The following SCAI variants were observed in gnomAD, a reference collection of about 807,000 sequenced individuals.
SCAI encodes the protein protein SCAI.
In SCAI, 24 loss-of-function variants were observed where a neutral mutation model predicts 92.2. That is an observed-to-expected ratio of 0.26 (90% CI 0.19 to 0.37). SCAI has a LOEUF of 0.37. Among genes scored for constraint, SCAI ranks in the 10% least tolerant of loss-of-function variants. The pLI is 1.00. For missense variants in SCAI, 450 were observed against 736.2 expected (o/e 0.61, Z 4.50); for synonymous variants, 261 against 258.6 (o/e 1.01, Z -0.09).
intron 2 of SCAI, among the ~76,000 whole-genome samples, chr9:125,094,011 C>T (rs1189949919): frequency 6.6e-6 from 1 of 152,022 alleles, no homozygotes; most frequent in Non-Finnish European, 1.5e-5. Context: ...ACTATTCACC[C>T]CAAAAACCTA....
At chr9:125,054,648 A>G (rs551655879) in intron 3 of SCAI, among the ~76,000 whole-genome samples, 1 of 152,324 alleles carries the variant, frequency 6.6e-6, no homozygotes, top group South Asian at 2.1e-4. Flanking sequence ...TTCTGAATTA[A>G]AATAGTGAAA....
chr9:125,104,481 C>T (rs1410779463), intron 2 of SCAI, among the ~76,000 whole-genome samples: 1 of 151,900 alleles, frequency 6.6e-6, no homozygotes, highest in Non-Finnish European at 1.5e-5. Flanking sequence ...TAAGAGATTT[C>T]AGTCTAATTC....
chr9:124,953,048 AC>A, intron 17 of SCAI, 95 bp from the exon 18 acceptor site: 1 of 952,632 alleles, frequency 1.0e-6, no homozygotes, highest in Non-Finnish European at 1.6e-6. Flanking sequence ...ATGTATTTTC[AC>A]TTTTATACTG....
chr9:125,141,018 AT>A (rs1465741597), intron 2 of SCAI, among the ~76,000 whole-genome samples: 1 of 152,160 alleles, frequency 6.6e-6, no homozygotes, highest in Admixed American at 6.6e-5. Context: ...CTAAATTCTC[AT>A]TGGAAATATT....
At chr9:125,119,453 T>C (rs959415251) in intron 2 of SCAI, among the ~76,000 whole-genome samples, 2 of 152,134 alleles carry the variant, frequency 1.3e-5, no homozygotes, top group African/African-American at 4.8e-5. Flanking sequence ...AAAATAATAA[T>C]TTAATAAATA....
intron 15 of SCAI, among the ~76,000 whole-genome samples, chr9:124,972,441 A>G (rs1255452440): frequency 2.0e-5 from 3 of 152,190 alleles, no homozygotes; most frequent in Non-Finnish European, 2.9e-5. Context: ...ACTGGACACT[A>G]AAAATGTGAC....
chr9:124,960,692 G>A (rs1831419456), intron 17 of SCAI, among the ~76,000 whole-genome samples: 1 of 152,242 alleles, frequency 6.6e-6, no homozygotes, highest in Admixed American at 6.5e-5. Context: ...AAGGAGGATA[G>A]AAGGAACAAT....
rs1831218723 is a variant in SCAI, at chr9:124,950,550, G to A, written c.*2257C>T. 6.6e-6 allele frequency: 1 copy of A among 151,918 alleles called. No individual in the cohort carries two copies. The highest frequency in any genetic ancestry group is 6.6e-5 in the Admixed American group (1 of 15,254). 9.4% of individuals were successfully genotyped at this position (151,918 alleles called of 1,614,324 possible). On this transcript the variant is annotated 3_prime_UTR_variant, in exon 18 of 18. Coordinates refer to ENST00000336505, the MANE Select transcript of SCAI (RefSeq NM_001144877.3). ...GGACTTAAGGGGAATTGAAACAAGA[G>A]GTCAGAAAACCGAAGATAGTCTATT... is the stretch of plus-strand genomic sequence containing the variant.
chr9:124,987,114 C>G (rs1167288415), intron 14 of SCAI, among the ~76,000 whole-genome samples: 2 of 152,144 alleles, frequency 1.3e-5, no homozygotes, highest in African/African-American at 4.8e-5. Context: ...CTCACTGCCT[C>G]CCAGGTTCAA....
At chr9:125,015,683 T>C (rs1418757325) in intron 9 of SCAI, among the ~76,000 whole-genome samples, 3 of 152,152 alleles carry the variant, frequency 2.0e-5, no homozygotes. Flanking sequence ...TTACTGGGTA[T>C]ATACCCAATG....
chr9:124,952,676 T>C lies in SCAI; in HGVS notation c.*131A>G. ...AAAGTGTGAACATTTTTTTGTTTGT[T>C]TTTAAAATGGTGGCCCTAAATTAAA... On this transcript the variant is annotated 3_prime_UTR_variant, in exon 18 of 18. Transcript: ENST00000336505. The C allele has an allele frequency of 1.5e-6, 1 of 654,552 alleles. No individual in the cohort carries two copies. The highest frequency in any genetic ancestry group is 2.4e-6 in the Non-Finnish European group (1 of 412,868). 40.5% of individuals were successfully genotyped at this position (654,552 alleles called of 1,614,324 possible).
intron 3 of SCAI, among the ~76,000 whole-genome samples, chr9:125,035,270 G>A (rs1175782922): frequency 2.0e-5 from 3 of 152,066 alleles, no homozygotes; most frequent in Admixed American, 6.5e-5. Flanking sequence ...AAGGAGAATC[G>A]TTAGAGTCCA....
chr9:125,138,966 T>TATGTACAGGC (rs1835605313), intron 2 of SCAI, among the ~76,000 whole-genome samples: 1 of 152,182 alleles, frequency 6.6e-6, no homozygotes, highest in South Asian at 2.1e-4. Flanking sequence ...CCAGACCATT[T>TATGTACAGGC]CATGTAAGTG....
intron 2 of SCAI, among the ~76,000 whole-genome samples, chr9:125,108,829 C>T (rs539062942): frequency 1.1e-4 from 17 of 152,348 alleles, no homozygotes; most frequent in Middle Eastern, 3.4e-3. Flanking sequence ...GCCAGCCCCT[C>T]TGCCCGGCCA....
chr9:125,086,483 A>G (rs1424498753), intron 2 of SCAI, among the ~76,000 whole-genome samples: 2 of 152,258 alleles, frequency 1.3e-5, no homozygotes, highest in Non-Finnish European at 2.9e-5. Flanking sequence ...GGCATTACAA[A>G]GATGAAAAAA....
Position 125,142,626 on chromosome 9 carries a change from G to C in SCAI, c.98+7C>G. ...ACATGAAGCAAAATAGGAAGGCACT[G>C]CCTTACCTGCTTCTCCGTTTTCGAG... On this transcript the variant is annotated splice_region_variant and intron_variant, in intron 2 of 17. Transcript: ENST00000336505. 1 of 1,612,790 alleles carries C rather than the reference G, an allele frequency of 6.2e-7. No individual in the cohort carries two copies. The highest frequency in any genetic ancestry group is 8.5e-7 in the Non-Finnish European group (1 of 1,178,836).
At chr9:125,114,709 G>A (rs1371706712) in intron 2 of SCAI, among the ~76,000 whole-genome samples, 3 of 144,138 alleles carry the variant, frequency 2.1e-5, no homozygotes, top group African/African-American at 7.8e-5. Flanking sequence ...TGGCTCAAAC[G>A]ATCCTCTCAC....
At chr9:125,023,241 G>C (rs575684111) in intron 6 of SCAI, among the ~76,000 whole-genome samples, 2 of 152,038 alleles carry the variant, frequency 1.3e-5, no homozygotes, top group African/African-American at 4.8e-5. Context: ...CTTCTTCCTT[G>C]CTCTTTTATG....
intron 3 of SCAI, among the ~76,000 whole-genome samples, chr9:125,042,627 G>GTGTGTT (rs1194334843): frequency 2.0e-5 from 2 of 98,896 alleles, no homozygotes; most frequent in Admixed American, 1.1e-4. Context: ...GTGTGTGTGT[G>GTGTGTT]TGTGTGTACA....
Sources: gnomAD v4.1 joint callset for allele counts (sites outside exome capture counted in the v4.1 genomes callset) on GRCh38, gnomAD v4.1.1 for gene constraint, MANE v1.5 for transcripts, NCBI Gene and HGNC (gene_info 2026-07-23, HGNC 2026-07-21) for gene names.